TMEM120B: variants seen among roughly 807,000 people sequenced by gnomAD.
TMEM120B encodes the protein transmembrane protein 120B.
A neutral mutation model predicts 55.5 loss-of-function variants in TMEM120B; 31 were observed. The ratio of observed to expected loss-of-function variants is 0.56; its 90% CI spans 0.42 to 0.75. TMEM120B has a LOEUF of 0.75. TMEM120B is among the 30% of genes least tolerant of loss of function. The pLI is 0.00. For synonymous variants in TMEM120B, 203 were observed against 176.3 expected (o/e 1.15, Z -1.20); for missense variants, 399 against 425.5 (o/e 0.94, Z 0.55).
intron 3 of TMEM120B, 145 bp from the exon 4 acceptor site, chr12:121,750,235 G>C (rs1873232900): frequency 2.7e-6 from 2 of 739,898 alleles, no homozygotes; most frequent in Non-Finnish European, 4.9e-6. Context: ...CACTCGATGT[G>C]GGGGCCCATT....
Position 121,774,631 on chromosome 12 carries a change from G to C in TMEM120B, c.773-27G>C. 3 of 1,612,488 alleles carry C rather than the reference G, an allele frequency of 1.9e-6. No individual in the cohort carries two copies. The South Asian group carries it at 3.3e-5, about 18-fold the overall frequency. On this transcript the variant is annotated intron_variant, in intron 9 of 11. Transcript: ENST00000449592. ...TGGGGGCAGCGGACCCCCTCAGCGG[G>C]TCCTTTTTCTTCCCTCCTCTCCACA...
Position 121,781,253 on chromosome 12 carries a change from T to TGAAGGG in TMEM120B, c.*5539_*5544dup. ...CCCTCCCTGTCTGGACTCTGACGGGTGAAGGGGAAGGGGCCAGGCAAGTGA... is the reference window on the plus strand; with the variant it reads ...CCCTCCCTGTCTGGACTCTGACGGGTGAAGGGGAAGGGGAAGGGGCCAGGCAAGTGA... On this transcript the variant is annotated 3_prime_UTR_variant, in exon 12 of 12. Transcript: ENST00000449592. 1 of 1,491,460 alleles carries TGAAGGG rather than the reference T, an allele frequency of 6.7e-7. No homozygotes were observed. The highest frequency in any genetic ancestry group is 2.3e-5 in the East Asian group (1 of 44,120). The allele number at this position is 1,491,460 out of a possible 1,614,324, so 92.4% of individuals were successfully genotyped here. A position where few individuals can be genotyped will look rare whatever the true frequency, so the allele number is the denominator to read the frequency against.
At chr12:121,769,407 C>T (rs1219078149) in intron 6 of TMEM120B, among the ~76,000 whole-genome samples, 1 of 152,114 alleles carries the variant, frequency 6.6e-6, no homozygotes, top group Non-Finnish European at 1.5e-5. Flanking sequence ...TAGCTGCAGT[C>T]CTGTGTAAGA....
At chr12:121,744,363 C>T (rs1873021554) in intron 2 of TMEM120B, among the ~76,000 whole-genome samples, 1 of 152,236 alleles carries the variant, frequency 6.6e-6, no homozygotes, top group African/African-American at 2.4e-5. Context: ...GTCTGTGGCC[C>T]TGGGCGGTGG....
chr12:121,750,466 A>AC (rs1434951618), intron 4 of TMEM120B, 27 bp downstream of exon 4: 10 of 1,594,022 alleles, frequency 6.3e-6, no homozygotes, highest in Non-Finnish European at 8.6e-6. Context: ...CACCACCCAG[A>AC]CCCACACCTC....
Position 121,761,677 on chromosome 12 carries a change from C to A in TMEM120B, c.490C>A (p.Leu164Met). The change falls in exon 6 of 12, where the codon CTG (leucine) becomes ATG (methionine). Residue 164 changes from leucine (L) to methionine (M), a missense_variant. Coordinates refer to ENST00000449592, the MANE Select transcript of TMEM120B (RefSeq NM_001080825.2). ...GACTGACGAAGTCTTCAACTTCCTGCTGGTGTGGTATTACTGCACCCTGAC... is the reference window on the plus strand; with the variant it reads ...GACTGACGAAGTCTTCAACTTCCTGATGGTGTGGTATTACTGCACCCTGAC... Reference protein sequence around the residue: ...RVTDEVFNFLLVWYYCTLTIR... With the variant: ...RVTDEVFNFLMVWYYCTLTIR... The A allele has an allele frequency of 6.2e-7, 1 of 1,614,006 alleles. No homozygotes were observed. The highest frequency in any genetic ancestry group is 8.5e-7 in the Non-Finnish European group (1 of 1,179,942).
chr12:121,772,714 C>T (rs964583445), intron 8 of TMEM120B, among the ~76,000 whole-genome samples: 4 of 152,202 alleles, frequency 2.6e-5, no homozygotes, highest in South Asian at 2.1e-4. Flanking sequence ...TGAGCCATCA[C>T]GCCTGGCTGT....
chr12:121,770,331 AG>A (rs1873997188), intron 6 of TMEM120B, among the ~76,000 whole-genome samples: 1 of 152,066 alleles, frequency 6.6e-6, no homozygotes, highest in Non-Finnish European at 1.5e-5. Context: ...ACACTGGACT[AG>A]GGCCCACCAG....
In TMEM120B at chr12:121,777,936, G is replaced by C. The variant is rs1331880329; in HGVS notation, c.*2214G>C. The C allele has an allele frequency of 2.0e-5, 3 of 152,168 alleles. No homozygotes were observed. Among genetic ancestry groups the C allele is most frequent in the Non-Finnish European group, 4.4e-5 (3 of 68,050 alleles). 9.4% of individuals were successfully genotyped at this position (152,168 alleles called of 1,614,324 possible). ...TTGGGAACCTGGGTGGGTTGGGGAG[G>C]GTCTCAGAAGGCTCCTTCCTTTGGC... is the stretch of plus-strand genomic sequence containing the variant. On this transcript the variant is annotated 3_prime_UTR_variant, in exon 12 of 12. Transcript: ENST00000449592.
intron 6 of TMEM120B, among the ~76,000 whole-genome samples, chr12:121,763,776 A>G (rs1372329484): frequency 6.6e-6 from 1 of 152,060 alleles, no homozygotes; most frequent in African/African-American, 2.4e-5. Flanking sequence ...CTTTCCTGAA[A>G]CAAAAAGTAA....
chr12:121,733,697 C>G (rs1370438788), intron 1 of TMEM120B, among the ~76,000 whole-genome samples: 1 of 151,874 alleles, frequency 6.6e-6, no homozygotes, highest in Non-Finnish European at 1.5e-5. Flanking sequence ...ACCATCATGC[C>G]TGGCTAATTT....
rs375863555 is a variant in TMEM120B, at chr12:121,781,606, C to A, written c.*5884C>A. ...CTGGAGAAACTGCTAGAGATGATGC[C>A]GATAGCCAGTGTGATCCCCCTGCCC... On this transcript the variant is annotated 3_prime_UTR_variant, in exon 12 of 12. Transcript: ENST00000449592. 1 of 205,344 alleles carries A rather than the reference C, an allele frequency of 4.9e-6. No homozygotes were observed. Among genetic ancestry groups the A allele is most frequent in the Admixed American group, 5.3e-5 (1 of 18,998 alleles). 12.7% of individuals were successfully genotyped at this position (205,344 alleles called of 1,614,324 possible). A position where few individuals can be genotyped will look rare whatever the true frequency, so the allele number is the denominator to read the frequency against.
intron 1 of TMEM120B, among the ~76,000 whole-genome samples, chr12:121,731,548 G>A (rs1220573239): frequency 6.6e-6 from 1 of 152,190 alleles, no homozygotes; most frequent in Non-Finnish European, 1.5e-5. Flanking sequence ...TTACCACTGT[G>A]TTACAGTCTG....
intron 5 of TMEM120B, among the ~76,000 whole-genome samples, chr12:121,760,202 C>T (rs1873625703): frequency 1.3e-5 from 2 of 150,258 alleles, no homozygotes; most frequent in South Asian, 4.2e-4. Flanking sequence ...ACTCGGGAGG[C>T]TGAGGCAGGA....
rs1218074802 is a variant in TMEM120B, at chr12:121,773,437, G to A, written c.696G>A (p.Leu232=). The A allele has an allele frequency of 4.3e-6, 7 of 1,611,088 alleles. No individual in the cohort carries two copies. Among genetic ancestry groups the A allele is most frequent in the Non-Finnish European group, 5.9e-6 (7 of 1,178,662 alleles). ...CCCCTGCAGGCTGCGTCCAGTTCCT[G>A]CAATATTATTACCAGAGGGGCTGCC... The part of the protein sequence containing the change: ...FSIFQSCVQF[L]QYYYQRGCLY... Residue 232 remains leucine (L), a synonymous_variant, in exon 9 of 12, where the codon CTG becomes CTA. Coordinates refer to ENST00000449592, the MANE Select transcript of TMEM120B (RefSeq NM_001080825.2).
At position 121,727,548 on chromosome 12, in the gene TMEM120B, A is replaced by AAG. The variant is rs1555330207; in HGVS notation, c.69+14585_69+14586insGA. 3.3e-4 allele frequency among the ~76,000 whole-genome samples: 47 copies of AAG among 141,892 alleles called. 1 individual carries two copies. The highest frequency in any genetic ancestry group is 1.5e-3 in the East Asian group (7 of 4,784). 93.1% of individuals were successfully genotyped at this position (141,892 alleles called of 152,430 possible). ...AGAGACCCTGTCTCAAAAAAAAAAA[A>AAG]AAAAAAAAAAAGACCGTGCCCTGGT... On this transcript the variant is annotated intron_variant, in intron 1 of 11. Coordinates refer to ENST00000449592, the MANE Select transcript of TMEM120B (RefSeq NM_001080825.2).
chr12:121,767,214 G>C (rs1275303126), intron 6 of TMEM120B, among the ~76,000 whole-genome samples: 1 of 152,194 alleles, frequency 6.6e-6, no homozygotes, highest in Admixed American at 6.5e-5. Context: ...AGGCTGGAGT[G>C]CAGTGGTGCG....
rs761321211 is a variant in TMEM120B at position 121,761,715 on chromosome 12, C to T, written c.528C>T (p.Ser176=). The T allele has an allele frequency of 3.1e-6, 5 of 1,613,718 alleles. No individual in the cohort carries two copies. The highest frequency in any genetic ancestry group is 3.3e-5 in the Admixed American group (2 of 59,982). ...WYYCTLTIRE[S]ILISNGSRIK... ...ACTGCACCCTGACCATTCGGGAGAGCATTCTCATCAGCAACGGCTCAAGGT... is the reference window on the plus strand; with the variant it reads ...ACTGCACCCTGACCATTCGGGAGAGTATTCTCATCAGCAACGGCTCAAGGT... The change falls in exon 6 of 12, where the codon AGC becomes AGT. Residue 176 remains serine, a synonymous_variant. Coordinates refer to ENST00000449592, the MANE Select transcript of TMEM120B (RefSeq NM_001080825.2).
At chr12:121,750,285 G>A in intron 3 of TMEM120B, 95 bp from the exon 4 acceptor site, 1 of 1,194,492 alleles carries the variant, frequency 8.4e-7, no homozygotes. Flanking sequence ...TAACATCAGT[G>A]CTTGGGATGT....
Sources: allele counts gnomAD v4.1 joint callset (sites outside exome capture counted in the v4.1 genomes callset), GRCh38; gene constraint gnomAD v4.1.1; transcripts MANE v1.5; gene names NCBI Gene and HGNC (gene_info 2026-07-23, HGNC 2026-07-21).